Variants in ALK observed in about 807,000 individuals in gnomAD.
ALK encodes the protein ALK receptor tyrosine kinase, also known as ALK tyrosine kinase receptor.
A neutral mutation model predicts 163.1 loss-of-function variants in ALK; 74 were observed. The ratio of observed to expected loss-of-function variants is 0.45; its 90% CI spans 0.38 to 0.55. The LOEUF (loss-of-function observed/expected upper bound fraction) is 0.55, where lower values mean the gene tolerates loss of function less well. Ranked by LOEUF, ALK falls within the 20% of genes least tolerant of loss-of-function variation. The probability of loss-of-function intolerance (pLI) is 0.00; values close to 1 mark genes in which losing one functional copy is unlikely to be tolerated. For missense variants in ALK, 2,063 were observed against 2,105.3 expected (o/e 0.98, Z 0.39); for synonymous variants, 960 against 843.2 (o/e 1.14, Z -2.40).
chr2:29,207,071 C>T (rs1573098742), intron 26 of ALK, 100 bp downstream of exon 26: 3 of 885,466 alleles, frequency 3.4e-6, no homozygotes, highest in Non-Finnish European at 5.8e-6. Context: ...TTTTCCCTCC[C>T]TACTAACACA....
intron 4 of ALK, among the ~76,000 whole-genome samples, chr2:29,390,934 G>A (rs1472418941): frequency 1.3e-5 from 2 of 152,190 alleles, no homozygotes; most frequent in African/African-American, 4.8e-5. Flanking sequence ...AGATGAATGT[G>A]CTCTGAAGAG....
At chr2:29,826,183 G>T (rs894060173) in intron 1 of ALK, among the ~76,000 whole-genome samples, 1 of 152,074 alleles carries the variant, frequency 6.6e-6, no homozygotes, top group Non-Finnish European at 1.5e-5. Context: ...CCTGAGTTCT[G>T]AAATCTCTTT....
At chr2:29,285,853 G>T (rs1366175343) in intron 9 of ALK, among the ~76,000 whole-genome samples, 1 of 152,128 alleles carries the variant, frequency 6.6e-6, no homozygotes, top group East Asian at 1.9e-4. Flanking sequence ...ATGAGCCACC[G>T]CACCTGGCCT....
At chr2:29,828,043 C>T (rs1665250200) in intron 1 of ALK, among the ~76,000 whole-genome samples, 1 of 152,114 alleles carries the variant, frequency 6.6e-6, no homozygotes, top group African/African-American at 2.4e-5. Context: ...CTTTGACAAA[C>T]CTGACAAAAA....
intron 1 of ALK, among the ~76,000 whole-genome samples, chr2:29,819,099 A>G (rs781486573): frequency 6.6e-6 from 1 of 152,180 alleles, no homozygotes; most frequent in African/African-American, 2.4e-5. Flanking sequence ...CGTCCCTCCA[A>G]TCAGGATCAT....
At chr2:29,376,119 A>G (rs1354568770) in intron 5 of ALK, among the ~76,000 whole-genome samples, 2 of 150,042 alleles carry the variant, frequency 1.3e-5, no homozygotes, top group Admixed American at 6.6e-5. Flanking sequence ...CCAACCCCCC[A>G]TAAACTTCTC....
intron 11 of ALK, among the ~76,000 whole-genome samples, chr2:29,265,343 G>GT (rs1356905718): frequency 6.6e-6 from 1 of 152,122 alleles, no homozygotes; most frequent in Non-Finnish European, 1.5e-5. Context: ...AAGAAAACAC[G>GT]TGAGTCCTAC....
At chr2:29,913,305 T>C (rs1667754582) in intron 1 of ALK, among the ~76,000 whole-genome samples, 1 of 152,090 alleles carries the variant, frequency 6.6e-6, no homozygotes, top group South Asian at 2.1e-4. Flanking sequence ...CATCACAAAA[T>C]TTACTGAAGA....
chr2:29,739,119 G>A lies in ALK; in HGVS notation c.668-21422C>T, dbSNP rs577564572. On this transcript the variant is annotated intron_variant, in intron 1 of 28. Transcript: ENST00000389048. ...CCAGGCATAGTGGCACCCATCTGTA[G>A]TTCTAGCTTCTCAGGAGCCTGAAGC... is the stretch of plus-strand genomic sequence containing the variant. 4.6e-4 allele frequency among the ~76,000 whole-genome samples: 70 copies of A among 151,468 alleles called. 1 individual carries two copies. Among genetic ancestry groups the A allele is most frequent in the African/African-American group, 1.7e-3 (69 of 41,124 alleles).
intron 1 of ALK, among the ~76,000 whole-genome samples, chr2:29,723,416 G>T (rs929485643): frequency 2.6e-5 from 4 of 152,182 alleles, no homozygotes; most frequent in Non-Finnish European, 5.9e-5. Context: ...ACAACTCATT[G>T]TAAGCCACTC....
rs1031317995 is a variant in ALK, at chr2:29,920,662, C to G, written c.-3G>C. ...CACAGGAGCCCGATGGCTCCCATCCCGCCGGAGGAGGCCGTTTACACTGCT... is the reference window on the plus strand; with the variant it reads ...CACAGGAGCCCGATGGCTCCCATCCGGCCGGAGGAGGCCGTTTACACTGCT... On this transcript the variant is annotated 5_prime_UTR_variant, in exon 1 of 29. Transcript: ENST00000389048. 7.1e-5 allele frequency: 109 copies of G among 1,535,128 alleles called. 1 individual carries two copies. The highest frequency in any genetic ancestry group is 9.1e-5 in the Non-Finnish European group (105 of 1,147,730).
chr2:29,736,201 A>T (rs1679887693), intron 1 of ALK, among the ~76,000 whole-genome samples: 1 of 152,136 alleles, frequency 6.6e-6, no homozygotes, highest in African/African-American at 2.4e-5. Flanking sequence ...AAATATTTAC[A>T]TTATATGCTT....
chr2:29,913,440 C>T (rs1334635921), intron 1 of ALK, among the ~76,000 whole-genome samples: 1 of 152,186 alleles, frequency 6.6e-6, no homozygotes, highest in Non-Finnish European at 1.5e-5. Flanking sequence ...GTGAAAGAGC[C>T]CTGGTCATCA....
At chr2:29,389,693 G>C (rs1265454820) in intron 4 of ALK, among the ~76,000 whole-genome samples, 1 of 152,182 alleles carries the variant, frequency 6.6e-6, no homozygotes, top group East Asian at 1.9e-4. Flanking sequence ...TATTGCAGTG[G>C]AGCTGAGTTA....
At chr2:29,253,069 T>G (rs1231332587) in intron 11 of ALK, among the ~76,000 whole-genome samples, 1 of 152,168 alleles carries the variant, frequency 6.6e-6, no homozygotes, top group African/African-American at 2.4e-5. Flanking sequence ...CATAGCTCAC[T>G]GCAGTCTTGA....
intron 4 of ALK, among the ~76,000 whole-genome samples, chr2:29,452,320 C>G (rs901180844): frequency 1.5e-5 from 2 of 133,222 alleles, no homozygotes; most frequent in Non-Finnish European, 3.1e-5. Flanking sequence ...AGATCTCACT[C>G]AAGTTTTTTT....
intron 5 of ALK, among the ~76,000 whole-genome samples, chr2:29,349,655 G>C (rs922722150): frequency 2.6e-5 from 4 of 152,218 alleles, no homozygotes; most frequent in Non-Finnish European, 4.4e-5. Flanking sequence ...ATTATTTCCA[G>C]CTCTGGAGGA....
intron 6 of ALK, among the ~76,000 whole-genome samples, chr2:29,324,922 A>T (rs1222619117): frequency 6.6e-6 from 1 of 152,132 alleles, no homozygotes; most frequent in Non-Finnish European, 1.5e-5. Context: ...AGGGAATGTC[A>T]CCTCCATCTC....
At chr2:29,763,463 C>T (rs1378562853) in intron 1 of ALK, among the ~76,000 whole-genome samples, 1 of 152,170 alleles carries the variant, frequency 6.6e-6, no homozygotes, top group Admixed American at 6.5e-5. Flanking sequence ...AGGATTTTCT[C>T]AGTCCATGAA....
Sources: allele counts gnomAD v4.1 joint callset (sites outside exome capture counted in the v4.1 genomes callset), GRCh38; gene constraint gnomAD v4.1.1; transcripts MANE v1.5; gene names NCBI Gene and HGNC (gene_info 2026-07-23, HGNC 2026-07-21).